The following RTN4 variants were observed in gnomAD, a reference collection of about 807,000 sequenced individuals.
RTN4 encodes reticulon 4, also known as reticulon-4.
A neutral mutation model predicts 90.4 loss-of-function variants in RTN4; 32 were observed. The ratio of observed to expected loss-of-function variants is 0.35; its 90% CI spans 0.27 to 0.48. The LOEUF is 0.48. Among genes scored for constraint, RTN4 ranks in the 20% least tolerant of loss-of-function variants. RTN4 has a pLI of 0.99. For synonymous variants in RTN4, 629 were observed against 552.5 expected (o/e 1.14, Z -1.94); for missense variants, 1,706 against 1,430.2 (o/e 1.19, Z -3.11).
intron 5 of RTN4, among the ~76,000 whole-genome samples, chr2:54,978,312 C>T (rs1299837879): frequency 2.0e-5 from 3 of 151,898 alleles, no homozygotes; most frequent in African/African-American, 7.3e-5. Flanking sequence ...CACCTGTAGT[C>T]CCAGCTACTT....
intron 2 of RTN4, chr2:55,060,670 C>T (rs1668273805): frequency 6.6e-6 from 1 of 152,258 alleles, no homozygotes; most frequent in Admixed American, 6.5e-5. Context: ...GCTATAATCC[C>T]AGCACGTTGG....
chr2:55,049,106 C>G, intron 1 of RTN4: 1 of 985,796 alleles, frequency 1.0e-6, no homozygotes, highest in Non-Finnish European at 1.2e-6. Context: ...CATTTCTCCA[C>G]GCACCACACC....
At chr2:55,071,932 G>T (rs1332852557) in intron 2 of RTN4, among the ~76,000 whole-genome samples, 1 of 152,296 alleles carries the variant, frequency 6.6e-6, no homozygotes, top group Middle Eastern at 3.4e-3. Context: ...AGAGAGAGAA[G>T]AGGAGAAAGT....
chr2:55,068,577 T>C (rs1358269539), intron 2 of RTN4, among the ~76,000 whole-genome samples: 2 of 150,708 alleles, frequency 1.3e-5, no homozygotes, highest in African/African-American at 4.9e-5. Context: ...GTTTACTTCA[T>C]ATGTTTTTGA....
intron 2 of RTN4, among the ~76,000 whole-genome samples, chr2:55,062,296 G>A (rs1173441435): frequency 2.6e-5 from 4 of 152,028 alleles, no homozygotes; most frequent in African/African-American, 9.7e-5. Flanking sequence ...CTCTGTCCTT[G>A]CAATAAGGCA....
chr2:55,103,985 G>A (rs961162970), intron 1 of RTN4, among the ~76,000 whole-genome samples: 3 of 150,250 alleles, frequency 2.0e-5, no homozygotes, highest in African/African-American at 4.9e-5. Flanking sequence ...ATGAGCCACC[G>A]CACCTGGCCT....
the RTN4 span, among the ~76,000 whole-genome samples, chr2:55,120,457 A>T: frequency 6.6e-6 from 1 of 151,974 alleles, no homozygotes; most frequent in Admixed American, 6.6e-5. Context: ...CCTTCCTCCA[A>T]GCTGGGGCTG....
At chr2:55,112,994 G>C (rs1668064964), upstream of RTN4, among the ~76,000 whole-genome samples, 1 of 152,174 alleles carries the variant, frequency 6.6e-6, no homozygotes, top group African/African-American at 2.4e-5. Flanking sequence ...AAAAATTGTG[G>C]CAAGATCAAC....
At chr2:55,001,249 G>C (rs1015009682) in intron 3 of RTN4, among the ~76,000 whole-genome samples, 1 of 152,092 alleles carries the variant, frequency 6.6e-6, no homozygotes, top group Non-Finnish European at 1.5e-5. Context: ...TTATTACTGA[G>C]AACAAACGGC....
intron 1 of RTN4, among the ~76,000 whole-genome samples, chr2:55,103,909 G>T (rs1054204139): frequency 6.6e-6 from 1 of 152,008 alleles, no homozygotes; most frequent in Non-Finnish European, 1.5e-5. Context: ...TGGCCAGGCT[G>T]GTCTCAAACT....
At chr2:55,047,743 T>TAATATTATGAATATTAGAA (rs1408442315) in intron 1 of RTN4, among the ~76,000 whole-genome samples, 1 of 152,200 alleles carries the variant, frequency 6.6e-6, no homozygotes, top group African/African-American at 2.4e-5. Flanking sequence ...TAGCAAGTAC[T>TAATATTATGAATATTAGAA]TATGAATGTA....
At chr2:55,009,482 T>C (rs920863273) in intron 3 of RTN4, among the ~76,000 whole-genome samples, 7 of 152,166 alleles carry the variant, frequency 4.6e-5, no homozygotes, top group Admixed American at 2.6e-4. Context: ...AAATCACTGA[T>C]TGGTTATTAC....
intron 3 of RTN4, among the ~76,000 whole-genome samples, chr2:54,990,049 C>T (rs79042011): frequency 2.0e-5 from 3 of 152,184 alleles, no homozygotes; most frequent in Non-Finnish European, 2.9e-5. Context: ...GTTGGGTCAC[C>T]TAGACTAAAA....
At chr2:55,021,185 T>G (rs1681401767) in intron 3 of RTN4, among the ~76,000 whole-genome samples, 1 of 152,188 alleles carries the variant, frequency 6.6e-6, no homozygotes, top group Non-Finnish European at 1.5e-5. Flanking sequence ...GAGCTTCCCT[T>G]ATGTTTTATC....
At chr2:54,985,531 G>A (rs988290801) in intron 4 of RTN4, among the ~76,000 whole-genome samples, 2 of 152,038 alleles carry the variant, frequency 1.3e-5, no homozygotes, top group African/African-American at 4.8e-5. Flanking sequence ...CCATAAAATG[G>A]AGTGATACCA....
At chr2:55,010,297 G>T in intron 3 of RTN4, 1 of 1,450,794 alleles carries the variant, frequency 6.9e-7, no homozygotes, top group Non-Finnish European at 9.0e-7. Flanking sequence ...TCTTCTGGGT[G>T]TGGAACAGTC....
Position 55,025,507 on chromosome 2 carries a change from T to C in RTN4, c.2592A>G (p.Pro864=), listed in dbSNP as rs1681770363. ...RETETFSDSS[P]IEIIDEFPTL... Reference sequence around the variant, plus strand: ...TAGGGAACTCATCTATAATTTCAATTGGAGATGAATCTGAAAACGTTTCAG... The same window carrying C: ...TAGGGAACTCATCTATAATTTCAATCGGAGATGAATCTGAAAACGTTTCAG... The change falls in exon 3 of 9, where the codon CCA becomes CCG. Residue 864 remains proline, a synonymous_variant. Transcript: ENST00000337526. 1 of 1,613,720 alleles carries C rather than the reference T, an allele frequency of 6.2e-7. No homozygotes were observed. Among genetic ancestry groups the C allele is most frequent in the East Asian group, 2.2e-5 (1 of 44,864 alleles).
At chr2:55,072,676 A>G (rs1422787858) in intron 2 of RTN4, among the ~76,000 whole-genome samples, 1 of 152,178 alleles carries the variant, frequency 6.6e-6, no homozygotes, top group Non-Finnish European at 1.5e-5. Flanking sequence ...GCTGTTCTAG[A>G]TATAACTGTA....
At chr2:54,990,128 C>A (rs1347602465) in intron 3 of RTN4, among the ~76,000 whole-genome samples, 2 of 152,254 alleles carry the variant, frequency 1.3e-5, no homozygotes, top group African/African-American at 4.8e-5. Flanking sequence ...ATTTCAGTTT[C>A]TTCATCTATA....
Sources: allele counts gnomAD v4.1 joint callset (sites outside exome capture counted in the v4.1 genomes callset), GRCh38; gene constraint gnomAD v4.1.1; transcripts MANE v1.5; gene names NCBI Gene and HGNC (gene_info 2026-07-23, HGNC 2026-07-21).